FMN1: variants seen among roughly 807,000 people sequenced by gnomAD.
FMN1 encodes the protein formin-1.
In FMN1, 110 loss-of-function variants were observed where a neutral mutation model predicts 132.4. The ratio of observed to expected loss-of-function variants is 0.83; its 90% CI spans 0.71 to 0.97. The LOEUF (loss-of-function observed/expected upper bound fraction) is 0.97, where lower values mean the gene tolerates loss of function less well. FMN1 is among the 50% of genes least tolerant of loss of function. FMN1 has a pLI of 0.00. For synonymous variants in FMN1, 722 were observed against 651.7 expected (o/e 1.11, Z -1.64); for missense variants, 1,792 against 1,705.3 (o/e 1.05, Z -0.90).
intron 7 of FMN1, among the ~76,000 whole-genome samples, chr15:32,996,836 A>T (rs567020176): frequency 6.6e-6 from 1 of 152,304 alleles, no homozygotes; most frequent in African/African-American, 2.4e-5. Context: ...AACACACCAT[A>T]CAAGGAGGTG....
chr15:33,052,440 T>C (rs754764929), intron 6 of FMN1, among the ~76,000 whole-genome samples: 20 of 152,062 alleles, frequency 1.3e-4, no homozygotes, highest in Non-Finnish European at 2.1e-4. Context: ...CTTAAACAAA[T>C]ACACAAAAAG....
chr15:33,136,759 A>G (rs1963783907), intron 4 of FMN1, among the ~76,000 whole-genome samples: 2 of 152,230 alleles, frequency 1.3e-5, no homozygotes, highest in Non-Finnish European at 2.9e-5. Flanking sequence ...TTCTGGAATG[A>G]GGTAGAACAT....
At chr15:33,187,788 T>C (rs1292866278) in intron 2 of FMN1, among the ~76,000 whole-genome samples, 1 of 152,142 alleles carries the variant, frequency 6.6e-6, no homozygotes, top group African/African-American at 2.4e-5. Flanking sequence ...TGAGGTTAAG[T>C]TTTCCACTTT....
chr15:32,882,713 A>G (rs1295638858), intron 16 of FMN1, among the ~76,000 whole-genome samples: 2 of 152,226 alleles, frequency 1.3e-5, no homozygotes, highest in African/African-American at 2.4e-5. Flanking sequence ...TGTACCATGC[A>G]ATATTTGAGA....
chr15:33,017,365 GA>G (rs1254216021), intron 6 of FMN1, among the ~76,000 whole-genome samples: 1 of 152,196 alleles, frequency 6.6e-6, no homozygotes, highest in Non-Finnish European at 1.5e-5. Flanking sequence ...CACTCCAATG[GA>G]GAATGCTAAT....
chr15:33,049,650 T>C (rs774355565), intron 6 of FMN1, among the ~76,000 whole-genome samples: 13 of 152,222 alleles, frequency 8.5e-5, no homozygotes, highest in Non-Finnish European at 1.8e-4. Context: ...GGTTTTTCTA[T>C]ACATCGTGAA....
chr15:33,106,457 A>G (rs2039492329), intron 4 of FMN1, among the ~76,000 whole-genome samples: 1 of 151,960 alleles, frequency 6.6e-6, no homozygotes, highest in South Asian at 2.1e-4. Context: ...CTTTTAGAGG[A>G]ATTTTGAGTC....
chr15:32,968,255 A>G (rs530136825), intron 8 of FMN1, among the ~76,000 whole-genome samples: 8 of 152,232 alleles, frequency 5.3e-5, no homozygotes, highest in Non-Finnish European at 1.0e-4. Flanking sequence ...TTTAATAAAA[A>G]CTGAAGAACA....
chr15:32,912,394 T>C (rs1230718398), intron 10 of FMN1, among the ~76,000 whole-genome samples: 2 of 152,194 alleles, frequency 1.3e-5, no homozygotes, highest in East Asian at 3.9e-4. Context: ...CATCCAGCCC[T>C]TGAATAAGTA....
chr15:33,126,367 G>C (rs1449154220), intron 4 of FMN1, among the ~76,000 whole-genome samples: 4 of 152,198 alleles, frequency 2.6e-5, no homozygotes, highest in Non-Finnish European at 5.9e-5. Flanking sequence ...CAGTCCAGCA[G>C]AGCAGCACGC....
rs574808817 is a variant in FMN1 at position 32,922,106 on chromosome 15, G to T, written c.3226+4068C>A. On this transcript the variant is annotated intron_variant, in intron 10 of 20. Coordinates refer to ENST00000616417, the MANE Select transcript of FMN1 (RefSeq NM_001277313.2). ...ATTTCATAGCCAATTCTACTATAAT[G>T]TTGGGCTGCTTTACATCTCTCCCAC... Among the ~76,000 whole-genome samples the T allele has an allele frequency of 2.0e-5, 3 of 152,260 alleles. No homozygotes were observed. The South Asian group carries it at 6.2e-4, about 32-fold the overall frequency.
chr15:32,940,512 A>G (rs1596315019), intron 9 of FMN1, among the ~76,000 whole-genome samples: 1 of 152,072 alleles, frequency 6.6e-6, no homozygotes, highest in Non-Finnish European at 1.5e-5. Flanking sequence ...TCATAAGATC[A>G]GTAACTTAAA....
chr15:32,905,730 A>G (rs2060408516), intron 12 of FMN1, among the ~76,000 whole-genome samples: 1 of 152,226 alleles, frequency 6.6e-6, no homozygotes, highest in African/African-American at 2.4e-5. Flanking sequence ...CGTTAAAACT[A>G]TAAATGATTC....
chr15:33,045,773 G>A (rs771415406), intron 6 of FMN1, among the ~76,000 whole-genome samples: 3 of 152,134 alleles, frequency 2.0e-5, no homozygotes, highest in Non-Finnish European at 4.4e-5. Context: ...AATTCACAGG[G>A]ATTTTTGTGT....
intron 2 of FMN1, among the ~76,000 whole-genome samples, chr15:33,182,325 G>GA (rs1965732496): frequency 6.6e-6 from 1 of 152,188 alleles, no homozygotes; most frequent in Admixed American, 6.5e-5. Flanking sequence ...CAGGGATAAT[G>GA]AAAAAAATGT....
chr15:33,100,071 T>C (rs1390780205), intron 4 of FMN1, among the ~76,000 whole-genome samples: 1 of 152,190 alleles, frequency 6.6e-6, no homozygotes, highest in Non-Finnish European at 1.5e-5. Flanking sequence ...TTAGCCATCA[T>C]TCCACTCAAC....
At chr15:33,110,615 C>T (rs2039664339) in intron 4 of FMN1, among the ~76,000 whole-genome samples, 1 of 151,762 alleles carries the variant, frequency 6.6e-6, no homozygotes, top group Non-Finnish European at 1.5e-5. Context: ...TAAAACACGT[C>T]CCCCCGCCCC....
At chr15:32,847,091 C>T (rs2058874362) in intron 17 of FMN1, among the ~76,000 whole-genome samples, 2 of 152,108 alleles carry the variant, frequency 1.3e-5, no homozygotes, top group South Asian at 4.1e-4. Context: ...TGGATTCTGC[C>T]ATGATGAAAG....
chr15:32,996,907 G>A (rs954339051), intron 7 of FMN1, among the ~76,000 whole-genome samples: 1 of 152,164 alleles, frequency 6.6e-6, no homozygotes, highest in Non-Finnish European at 1.5e-5. Context: ...GCAGTGTTGG[G>A]TATCAGGGAC....
Sources: allele counts gnomAD v4.1 joint callset (sites outside exome capture counted in the v4.1 genomes callset), GRCh38; gene constraint gnomAD v4.1.1; transcripts MANE v1.5; gene names NCBI Gene and HGNC (gene_info 2026-07-23, HGNC 2026-07-21).